QPCTL: variants seen among roughly 807,000 people sequenced by gnomAD.
QPCTL encodes glutaminyl-peptide cyclotransferase like, also known as glutaminyl-peptide cyclotransferase-like protein.
In QPCTL, 31 loss-of-function variants were observed where a neutral mutation model predicts 34.6. The observed-to-expected ratio is 0.90, with a 90% CI of 0.67 to 1.21. The LOEUF (loss-of-function observed/expected upper bound fraction) is 1.21, where lower values mean the gene tolerates loss of function less well. Among genes scored for constraint, QPCTL ranks in the 50% most tolerant of loss-of-function variants. The pLI is 0.00. For synonymous variants in QPCTL, 223 were observed against 226.9 expected (o/e 0.98, Z 0.15); for missense variants, 474 against 507.8 (o/e 0.93, Z 0.64).
At chr19:45,695,296 AG>A in intron 2 of QPCTL, 140 bp from the exon 3 acceptor site, 1 of 775,744 alleles carries the variant, frequency 1.3e-6, no homozygotes, top group Non-Finnish European at 2.0e-6. Flanking sequence ...AAAAAAAAAA[AG>A]AAAGAAAGAA....
At chr19:45,702,771 A>G in intron 6 of QPCTL, 133 bp from the exon 7 acceptor site, 2 of 1,129,798 alleles carry the variant, frequency 1.8e-6, no homozygotes, top group Non-Finnish European at 1.3e-6. Flanking sequence ...CTCAAAAAAA[A>G]AAAAAAAGTG....
chr19:45,696,997 T>C (rs1967709578), intron 3 of QPCTL, among the ~76,000 whole-genome samples: 1 of 152,020 alleles, frequency 6.6e-6, no homozygotes, highest in South Asian at 2.1e-4. Context: ...GGTACATACC[T>C]GTAATCCTAC....
At chr19:45,695,093 C>T (rs952266885) in intron 2 of QPCTL, among the ~76,000 whole-genome samples, 2 of 151,938 alleles carry the variant, frequency 1.3e-5, no homozygotes, top group African/African-American at 4.8e-5. Flanking sequence ...GAATACCAGG[C>T]TGGCCAACAT....
chr19:45,700,382 T>C (rs898047598), intron 5 of QPCTL, among the ~76,000 whole-genome samples: 2 of 151,820 alleles, frequency 1.3e-5, no homozygotes, highest in Non-Finnish European at 2.9e-5. Context: ...GAGCACAGGT[T>C]GCAGTGAGCT....
chr19:45,695,559 G>A lies in QPCTL; in HGVS notation c.474G>A (p.Arg158=). Residue 158 remains arginine (R), a synonymous_variant, in exon 3 of 7, where the codon AGG becomes AGA. Coordinates refer to ENST00000012049, the MANE Select transcript of QPCTL (RefSeq NM_017659.4). ...FGNVVATLDP[R]AARHLTLACH... is the part of the protein sequence containing the mutation. ...ATGTGGTGGCCACACTGGACCCAAG[G>A]GCTGCCCGTCACCTCACCCTTGCCT... The A allele has an allele frequency of 6.2e-7, 1 of 1,614,092 alleles. No homozygotes were observed. The highest frequency in any genetic ancestry group is 8.5e-7 in the Non-Finnish European group (1 of 1,180,002).
chr19:45,694,788 C>G (rs778653965), intron 2 of QPCTL, among the ~76,000 whole-genome samples: 1 of 152,082 alleles, frequency 6.6e-6, no homozygotes, highest in Non-Finnish European at 1.5e-5. Context: ...TTCTTAACCT[C>G]TCTGAGCCCA....
chr19:45,695,825 T>C, intron 3 of QPCTL, 107 bp downstream of exon 3: 1 of 1,242,168 alleles, frequency 8.1e-7, no homozygotes, highest in Non-Finnish European at 1.1e-6. Flanking sequence ...CCCACTCTAC[T>C]CCACGCACAG....
intron 2 of QPCTL, 130 bp downstream of exon 2, chr19:45,693,686 A>C: frequency 7.7e-7 from 1 of 1,295,742 alleles, no homozygotes; most frequent in Non-Finnish European, 1.0e-6. Flanking sequence ...CGGACTCTAG[A>C]CTCCATGCTG....
chr19:45,695,329 G>T, intron 2 of QPCTL, 108 bp from the exon 3 acceptor site: 1 of 968,896 alleles, frequency 1.0e-6, no homozygotes, highest in Non-Finnish European at 1.5e-6. Flanking sequence ...CAATCAGAGT[G>T]GGGCTTTAGT....
chr19:45,698,763 C>A (rs1266629417), intron 4 of QPCTL, 38 bp from the exon 5 acceptor site: 3 of 1,613,272 alleles, frequency 1.9e-6, no homozygotes, highest in African/African-American at 1.3e-5. Flanking sequence ...CTGGCGTCAT[C>A]CTGCACGGGC....
chr19:45,693,422 A>T lies in QPCTL; in HGVS notation c.217A>T (p.Ile73Phe). The T allele has an allele frequency of 6.2e-7, 1 of 1,611,052 alleles. No homozygotes were observed. The highest frequency in any genetic ancestry group is 8.5e-7 in the Non-Finnish European group (1 of 1,178,374). ...CCACCTCCTTCCCAAGGTCCCATTG[A>T]TCGGAAGCCTCCCCGAAGCCCGGCT... ...PLGRELRVPL[I>F]GSLPEARLRR... The change falls in exon 2 of 7, where the codon ATC (isoleucine) becomes TTC (phenylalanine). Residue 73 changes from isoleucine (I) to phenylalanine (F), a missense_variant. Ile to Phe is a conservative substitution (Grantham distance 21). Transcript: ENST00000012049.
At chr19:45,692,997 C>T (rs939947476) in intron 1 of QPCTL, 87 bp downstream of exon 1, 2 of 1,347,376 alleles carry the variant, frequency 1.5e-6, no homozygotes, top group Admixed American at 2.5e-5. Flanking sequence ...TAGCGTACGG[C>T]CCTAACCGCA....
intron 5 of QPCTL, among the ~76,000 whole-genome samples, chr19:45,701,114 G>GCGCACA (rs1049188802): frequency 1.3e-5 from 2 of 149,720 alleles, no homozygotes; most frequent in African/African-American, 4.9e-5. Context: ...ACACACACGC[G>GCGCACA]CACACACACA....
At chr19:45,700,464 C>T (rs1422476911) in intron 5 of QPCTL, among the ~76,000 whole-genome samples, 1 of 151,662 alleles carries the variant, frequency 6.6e-6, no homozygotes, top group East Asian at 1.9e-4. Context: ...AATAAATAAA[C>T]AAATAAATAA....
Position 45,692,739 on chromosome 19 carries a change from G to A in QPCTL, c.36G>A (p.Arg12=), listed in dbSNP as rs1304689662. 3.2e-6 allele frequency: 5 copies of A among 1,572,234 alleles called. No homozygotes were observed. The South Asian group carries it at 5.7e-5, about 18-fold the overall frequency. ...RSGGRGRPRL[R]LGERGLMEPL... is the part of the protein sequence containing the mutation. ...GGGGCCGCGGGCGACCCCGCCTGCG[G>A]CTGGGGGAACGTGGCCTCATGGAGC... The change falls in exon 1 of 7, where the codon CGG becomes CGA. Residue 12 remains arginine (R), a synonymous_variant. Coordinates refer to ENST00000012049, the MANE Select transcript of QPCTL (RefSeq NM_017659.4).
chr19:45,695,301 GAAAGAAAGAAAT>G, intron 2 of QPCTL, 124 bp from the exon 3 acceptor site: 1 of 818,732 alleles, frequency 1.2e-6, no homozygotes, highest in Non-Finnish European at 1.9e-6. Flanking sequence ...AAAAAAGAAA[GAAAGAAAGAAAT>G]CCATTCAATC....
chr19:45,699,650 G>T (rs533467126), intron 5 of QPCTL, among the ~76,000 whole-genome samples: 47 of 151,758 alleles, frequency 3.1e-4, no homozygotes, highest in Non-Finnish European at 6.0e-4. Flanking sequence ...CAAACATTAG[G>T]CCAGGCGCGA....
Position 45,698,417 on chromosome 19 carries a change from C to T in QPCTL, c.634-130C>T, listed in dbSNP as rs986557793. 6 of 1,127,970 alleles carry T rather than the reference C, an allele frequency of 5.3e-6. No homozygotes were observed. The Admixed American group carries it at 1.6e-4, about 30-fold the overall frequency. The allele number at this position is 1,127,970 out of a possible 1,614,324, so 69.9% of individuals were successfully genotyped here. A position where few individuals can be genotyped will look rare whatever the true frequency, so the allele number is the denominator to read the frequency against. ...ACTGACTCGGAATCTGTGCTCTTGG[C>T]TACCACGTTCTATGAGTGAGGACAC... On this transcript the variant is annotated intron_variant, in intron 3 of 6. Coordinates refer to ENST00000012049, the MANE Select transcript of QPCTL (RefSeq NM_017659.4).
chr19:45,696,021 A>T (rs1291051040), intron 3 of QPCTL, among the ~76,000 whole-genome samples: 2 of 151,852 alleles, frequency 1.3e-5, no homozygotes, highest in Admixed American at 6.6e-5. Flanking sequence ...GGCGTGAGCC[A>T]CCGCGCCTGG....
Sources: gnomAD v4.1 joint callset for allele counts (sites outside exome capture counted in the v4.1 genomes callset) on GRCh38, gnomAD v4.1.1 for gene constraint, MANE v1.5 for transcripts, NCBI Gene and HGNC (gene_info 2026-07-23, HGNC 2026-07-21) for gene names.